The following AGBL4 variants were observed in gnomAD, a reference collection of about 807,000 sequenced individuals.
AGBL4 encodes the protein AGBL carboxypeptidase 4, also known as cytosolic carboxypeptidase 6.
In AGBL4, 58 loss-of-function variants were observed where a neutral mutation model predicts 66.4. The ratio of observed to expected loss-of-function variants is 0.87; its 90% confidence interval spans 0.71 to 1.09. AGBL4 has a LOEUF of 1.09. Among genes scored for constraint, AGBL4 ranks in the 50% least tolerant of loss-of-function variants. AGBL4 has a pLI of 0.00. For missense variants in AGBL4, 579 were observed against 631.0 expected (o/e 0.92, Z 0.88); for synonymous variants, 234 against 222.9 (o/e 1.05, Z -0.44).
intron 5 of AGBL4, among the ~76,000 whole-genome samples, chr1:48,958,169 GT>G (rs929548458): frequency 7.9e-5 from 12 of 152,012 alleles, no homozygotes; most frequent in Admixed American, 3.3e-4. Context: ...CTGCAGGCTT[GT>G]TTTTTGCCAC....
rs59022846 is a variant in AGBL4, at chr1:49,807,691, A to G, written c.157+43705T>C. 4.5e-4 allele frequency among the ~76,000 whole-genome samples: 68 copies of G among 152,330 alleles called. 2 individuals are homozygous for G. In the East Asian group the frequency reaches 0.012, roughly 27 times the overall value. ...ATGCATTCTGCTTCTGAAAAAGACAAGTTTTAGTGGGCCAGCAGCACAATT... is the reference window on the plus strand; with the variant it reads ...ATGCATTCTGCTTCTGAAAAAGACAGGTTTTAGTGGGCCAGCAGCACAATT... On this transcript the variant is annotated intron_variant, in intron 2 of 13. Transcript: ENST00000371839.
intron 4 of AGBL4, among the ~76,000 whole-genome samples, chr1:49,157,920 T>C (rs1203457503): frequency 6.6e-6 from 1 of 152,198 alleles, no homozygotes; most frequent in Non-Finnish European, 1.5e-5. Flanking sequence ...TACTTTTTGA[T>C]GGGATTGTTT....
intron 3 of AGBL4, among the ~76,000 whole-genome samples, chr1:49,490,505 T>A (rs1014068734): frequency 3.3e-5 from 5 of 151,800 alleles, no homozygotes; most frequent in African/African-American, 1.2e-4. Context: ...TCTAGTGTCA[T>A]CTTTTCCTGG....
chr1:49,969,699 T>C (rs1657889012), intron 1 of AGBL4, among the ~76,000 whole-genome samples: 1 of 152,202 alleles, frequency 6.6e-6, no homozygotes. Flanking sequence ...CCTTCTCTTT[T>C]AAAAAGCTGA....
At chr1:49,720,079 T>C (rs75355801) in intron 2 of AGBL4, among the ~76,000 whole-genome samples, 8,113 of 152,134 alleles carry the variant, frequency 0.053, 244 homozygotes, top group African/African-American at 0.071. Context: ...CTAAAAAATA[T>C]ACACTCTCTA....
intron 7 of AGBL4, among the ~76,000 whole-genome samples, chr1:48,657,620 G>A (rs1012694822): frequency 6.6e-6 from 1 of 152,150 alleles, no homozygotes; most frequent in Non-Finnish European, 1.5e-5. Context: ...GCTCTGCAGC[G>A]GCCAAGGTTC....
chr1:49,602,784 C>G (rs891191974), intron 3 of AGBL4, among the ~76,000 whole-genome samples: 1 of 151,164 alleles, frequency 6.6e-6, no homozygotes, highest in African/African-American at 2.4e-5. Context: ...TGTAACAAAC[C>G]TCCACGTTCT....
intron 6 of AGBL4, among the ~76,000 whole-genome samples, chr1:48,851,797 G>A (rs1470761699): frequency 6.6e-6 from 1 of 151,918 alleles, no homozygotes; most frequent in Admixed American, 6.6e-5. Context: ...AGGCTTTTAA[G>A]ATAATTATTC....
intron 6 of AGBL4, among the ~76,000 whole-genome samples, chr1:48,676,168 T>A (rs1646361663): frequency 6.6e-6 from 1 of 151,174 alleles, no homozygotes. Flanking sequence ...TAAGGAGAGA[T>A]GTATAAATCA....
chr1:49,904,151 T>C (rs887579114), intron 1 of AGBL4, among the ~76,000 whole-genome samples: 1 of 152,188 alleles, frequency 6.6e-6, no homozygotes, highest in African/African-American at 2.4e-5. Flanking sequence ...TCCATTCATA[T>C]GGATACTTTT....
chr1:48,977,817 T>A (rs1659458040), intron 5 of AGBL4, among the ~76,000 whole-genome samples: 1 of 152,184 alleles, frequency 6.6e-6, no homozygotes, highest in Non-Finnish European at 1.5e-5. Flanking sequence ...CAGAGGATTA[T>A]CTGCGAAGCT....
chr1:49,502,503 G>C (rs1353166337), intron 3 of AGBL4, among the ~76,000 whole-genome samples: 1 of 151,984 alleles, frequency 6.6e-6, no homozygotes, highest in Non-Finnish European at 1.5e-5. Flanking sequence ...GAGTTTGGAG[G>C]GCTCAGAAGA....
At chr1:49,488,190 A>C (rs1557987042) in intron 3 of AGBL4, among the ~76,000 whole-genome samples, 3 of 151,846 alleles carry the variant, frequency 2.0e-5, no homozygotes, top group Admixed American at 6.6e-5. Flanking sequence ...AAAATTGTAA[A>C]GTTTTTCGTA....
At chr1:49,842,562 G>A (rs995047175) in intron 2 of AGBL4, among the ~76,000 whole-genome samples, 1 of 152,194 alleles carries the variant, frequency 6.6e-6, no homozygotes, top group South Asian at 2.1e-4. Context: ...ATTTTGCTGT[G>A]AGTGACGACA....
chr1:48,790,151 C>A (rs1645512301), intron 6 of AGBL4, among the ~76,000 whole-genome samples: 1 of 151,126 alleles, frequency 6.6e-6, no homozygotes, highest in African/African-American at 2.5e-5. Flanking sequence ...TTTTCTCTTC[C>A]ATCTCTTTGT....
chr1:49,838,661 T>C (rs1438672627), intron 2 of AGBL4, among the ~76,000 whole-genome samples: 1 of 152,224 alleles, frequency 6.6e-6, no homozygotes, highest in Non-Finnish European at 1.5e-5. Context: ...GATAACATTC[T>C]AGTTTGCTAG....
At chr1:48,931,121 G>A (rs1018496418) in intron 5 of AGBL4, among the ~76,000 whole-genome samples, 4 of 152,114 alleles carry the variant, frequency 2.6e-5, no homozygotes, top group Non-Finnish European at 5.9e-5. Flanking sequence ...TTCTCCAAAT[G>A]GTTGCATAGG....
At chr1:49,396,861 G>C (rs1644984965) in intron 3 of AGBL4, among the ~76,000 whole-genome samples, 1 of 152,150 alleles carries the variant, frequency 6.6e-6, no homozygotes, top group Admixed American at 6.5e-5. Context: ...GAGAAAACGA[G>C]TAAATGCAGA....
chr1:49,919,972 A>G (rs1254031846), intron 1 of AGBL4, among the ~76,000 whole-genome samples: 1 of 152,206 alleles, frequency 6.6e-6, no homozygotes, highest in Admixed American at 6.5e-5. Flanking sequence ...AAACCTGACA[A>G]AAACAAGAAA....
Sources: allele counts gnomAD v4.1 joint callset (sites outside exome capture counted in the v4.1 genomes callset), GRCh38; gene constraint gnomAD v4.1.1; transcripts MANE v1.5; gene names NCBI Gene and HGNC (gene_info 2026-07-23, HGNC 2026-07-21).